The following DRICH1 variants were observed in gnomAD, a reference collection of about 807,000 sequenced individuals.
The protein encoded by DRICH1 is aspartate rich 1.
Under a neutral mutation model 39.5 loss-of-function variants are expected in DRICH1, and 38 were observed. The observed-to-expected ratio is 0.96, with a 90% CI of 0.74 to 1.26. The LOEUF (loss-of-function observed/expected upper bound fraction) is 1.26. Among genes scored for constraint, DRICH1 ranks in the 50% most tolerant of loss-of-function variants. The pLI is 0.00. For synonymous variants in DRICH1, 84 were observed against 99.5 expected (o/e 0.84, Z 0.93); for missense variants, 279 against 270.4 (o/e 1.03, Z -0.22).
chr22:23,611,295 C>T (rs577814899), intron 11 of DRICH1, among the ~76,000 whole-genome samples: 49 of 152,168 alleles, frequency 3.2e-4, no homozygotes, highest in Admixed American at 8.5e-4. Flanking sequence ...ATGACTAAAA[C>T]AAAACTAATT....
intron 10 of DRICH1, 84 bp from the exon 11 acceptor site, chr22:23,613,414 G>T (rs963501828): frequency 1.7e-6 from 2 of 1,175,764 alleles, no homozygotes; most frequent in Non-Finnish European, 2.6e-6. Context: ...GAAGCTGAGT[G>T]ATGAGCTAGT....
In DRICH1 at chr22:23,608,720, C is replaced by T. The variant is rs772968973; in HGVS notation, c.*44G>A. On this transcript the variant is annotated 3_prime_UTR_variant, in exon 12 of 12. Coordinates refer to ENST00000317749, the MANE Select transcript of DRICH1 (RefSeq NM_016449.4). ...CTGGGGACCCTGCAGCACGCGCTGG[C>T]CTGCCCTTTGGGTCAGCACCCTGGT... is the stretch of plus-strand genomic sequence containing the variant. The T allele has an allele frequency of 1.9e-5, 29 of 1,551,756 alleles. No individual in the cohort carries two copies. In the East Asian group the frequency reaches 6.3e-4, roughly 34 times the overall value.
chr22:23,604,807 T>C (rs898245394), downstream of DRICH1, among the ~76,000 whole-genome samples: 7 of 152,202 alleles, frequency 4.6e-5, no homozygotes, highest in Non-Finnish European at 8.8e-5. Flanking sequence ...GAGCTGCAGT[T>C]GGACTAGCTA....
chr22:23,583,075 A>G, the DRICH1 span: 2 of 152,260 alleles, frequency 1.3e-5, no homozygotes, highest in African/African-American at 4.8e-5. Context: ...CTCCAGCTGG[A>G]GAGCGAACTG....
At chr22:23,593,830 T>C in the DRICH1 span, among the ~76,000 whole-genome samples, 28 of 150,030 alleles carry the variant, frequency 1.9e-4, no homozygotes, top group Non-Finnish European at 3.7e-4. Context: ...ACAAAAAAAT[T>C]AGCCGGGCGT....
intron 11 of DRICH1, among the ~76,000 whole-genome samples, chr22:23,610,912 G>A (rs1926998666): frequency 1.4e-5 from 2 of 138,300 alleles, no homozygotes; most frequent in South Asian, 4.6e-4. Flanking sequence ...TTTTTTTTGA[G>A]ACAGAGTCTG....
the DRICH1 span, among the ~76,000 whole-genome samples, chr22:23,594,618 G>A: frequency 6.6e-6 from 1 of 152,340 alleles, no homozygotes; most frequent in East Asian, 1.9e-4. Context: ...TATGACAAGT[G>A]ACTACTCATC....
At chr22:23,600,325 A>C in the DRICH1 span, among the ~76,000 whole-genome samples, 1 of 152,110 alleles carries the variant, frequency 6.6e-6, no homozygotes, top group Non-Finnish European at 1.5e-5. Flanking sequence ...GCTTCAGCCA[A>C]TCCTGCCCAC....
chr22:23,621,766 T>C (rs1278804917), intron 4 of DRICH1, among the ~76,000 whole-genome samples: 2 of 151,930 alleles, frequency 1.3e-5, no homozygotes, highest in Non-Finnish European at 2.9e-5. Context: ...ATACAAAAAT[T>C]ATCTGGGCAT....
At chr22:23,619,704 AAAAAC>A (rs1927598119) in intron 5 of DRICH1, among the ~76,000 whole-genome samples, 1 of 151,894 alleles carries the variant, frequency 6.6e-6, no homozygotes, top group African/African-American at 2.4e-5. Flanking sequence ...ATTCACATGA[AAAAAC>A]AGAATGCTGA....
At chr22:23,595,076 C>T in the DRICH1 span, among the ~76,000 whole-genome samples, 11,199 of 148,130 alleles carry the variant, frequency 0.076, 438 homozygotes, top group East Asian at 0.094. Context: ...CTCAGTGTCC[C>T]TCCTCCGTGT....
chr22:23,581,728 T>C, the DRICH1 span, among the ~76,000 whole-genome samples: 1 of 150,786 alleles, frequency 6.6e-6, no homozygotes, highest in East Asian at 2.0e-4. Flanking sequence ...TGCCTCAGCC[T>C]CCTGAGTAGC....
At chr22:23,606,621 G>A (rs1926747074), downstream of DRICH1, among the ~76,000 whole-genome samples, 1 of 152,228 alleles carries the variant, frequency 6.6e-6, no homozygotes, top group Non-Finnish European at 1.5e-5. Context: ...GTGGGAAGCG[G>A]GGGCTTTCTT....
the DRICH1 span, among the ~76,000 whole-genome samples, chr22:23,593,111 T>G: frequency 1.1e-4 from 17 of 151,604 alleles, no homozygotes; most frequent in African/African-American, 3.6e-4. Flanking sequence ...TAAAACCATC[T>G]TAAATACGCT....
At chr22:23,582,739 C>T in the DRICH1 span, among the ~76,000 whole-genome samples, 4 of 151,712 alleles carry the variant, frequency 2.6e-5, no homozygotes, top group Admixed American at 6.6e-5. Context: ...TTTTGTGTTT[C>T]TAGTAGAGAC....
rs533613337 is a variant in DRICH1, at chr22:23,631,706, G to C, written c.208+110C>G. ...CCCAGACCTGGGAAAGCTGGCTATG[G>C]ACAGGAGGGAGCTGGAAGCTGAGGA... On this transcript the variant is annotated intron_variant, in intron 1 of 11. Coordinates refer to ENST00000317749, the MANE Select transcript of DRICH1 (RefSeq NM_016449.4). 1.6e-4 allele frequency: 146 copies of C among 911,294 alleles called. No homozygotes were observed. In the African/African-American group the frequency reaches 2.1e-3, roughly 13 times the overall value. The allele number at this position is 911,294 out of a possible 1,614,324, so 56.5% of individuals were successfully genotyped here.
downstream of DRICH1, among the ~76,000 whole-genome samples, chr22:23,606,691 C>T (rs1926750391): frequency 6.6e-6 from 1 of 152,064 alleles, no homozygotes; most frequent in African/African-American, 2.4e-5. Flanking sequence ...TGTGCCTGGG[C>T]CCCACAGCAG....
At chr22:23,630,543 C>T (rs1928327371) in intron 1 of DRICH1, 1 of 152,146 alleles carries the variant, frequency 6.6e-6, no homozygotes, top group African/African-American at 2.4e-5. Flanking sequence ...AGAAGAATGA[C>T]ATGACTTGGG....
downstream of DRICH1, among the ~76,000 whole-genome samples, chr22:23,605,156 A>T (rs1273845811): frequency 6.6e-6 from 1 of 152,190 alleles, no homozygotes. Context: ...CACCTGGGGT[A>T]TAAAGTTCAC....
Sources: allele counts gnomAD v4.1 joint callset (sites outside exome capture counted in the v4.1 genomes callset), GRCh38; gene constraint gnomAD v4.1.1; transcripts MANE v1.5; gene names NCBI Gene and HGNC (gene_info 2026-07-23, HGNC 2026-07-21).